The following GXYLT2 variants were observed in gnomAD, a reference collection of about 807,000 sequenced individuals.
GXYLT2 encodes the protein glucoside xylosyltransferase 2.
GXYLT2 carries 53 observed loss-of-function variants against 45.8 expected under a neutral mutation model. That is an observed-to-expected ratio of 1.16 (90% CI 0.93 to 1.46). The LOEUF is 1.46. GXYLT2 is among the 40% of genes most tolerant of loss of function. The probability of loss-of-function intolerance (pLI) is 0.00; values close to 1 mark genes in which losing one functional copy is unlikely to be tolerated. For missense variants in GXYLT2, 551 were observed against 544.4 expected, an observed-to-expected ratio of 1.01 and a Z score of -0.12; for synonymous variants, 219 against 214.2, an observed-to-expected ratio of 1.02 and a Z score of -0.19.
At chr3:72,955,415 C>G in intron 4 of GXYLT2, 66 bp downstream of exon 4, 2 of 1,525,168 alleles carry the variant, frequency 1.3e-6, no homozygotes, top group Non-Finnish European at 1.8e-6. Flanking sequence ...AGTGGCACTA[C>G]CAGAGTGTCA....
intron 5 of GXYLT2, among the ~76,000 whole-genome samples, chr3:72,962,794 T>C (rs1710792391): frequency 6.6e-6 from 1 of 151,014 alleles, no homozygotes; most frequent in African/African-American, 2.4e-5. Context: ...AAATGAGGGG[T>C]TGAGAGAGAG....
intron 2 of GXYLT2, among the ~76,000 whole-genome samples, chr3:72,909,843 A>G (rs1709585866): frequency 6.6e-6 from 1 of 152,206 alleles, no homozygotes; most frequent in Admixed American, 6.5e-5. Flanking sequence ...ACTTGAGTCA[A>G]CAGTGCTGTA....
rs151046423 is a variant in GXYLT2, at chr3:72,922,457, C to G, written c.600+122C>G. ...AACCTGTGTCTCTTGGATTCTGGAGCTGATGCTCTAAGTCTGCAGCATGTA... is the reference window on the plus strand; with the variant it reads ...AACCTGTGTCTCTTGGATTCTGGAGGTGATGCTCTAAGTCTGCAGCATGTA... On this transcript the variant is annotated intron_variant, in intron 3 of 6. Transcript: ENST00000389617. 3.4e-4 allele frequency: 324 copies of G among 953,710 alleles called. 1 individual carries two copies. In the African/African-American group the frequency reaches 4.9e-3, roughly 15 times the overall value. 59.1% of individuals were successfully genotyped at this position (953,710 alleles called of 1,614,324 possible). A position where few individuals can be genotyped will look rare whatever the true frequency, so the allele number is the denominator to read the frequency against.
chr3:72,965,589 A>G (rs1710851698), intron 5 of GXYLT2, among the ~76,000 whole-genome samples: 2 of 152,226 alleles, frequency 1.3e-5, no homozygotes, highest in Non-Finnish European at 2.9e-5. Context: ...TGCTAATTGT[A>G]TAATTCTGGT....
chr3:72,909,606 T>C lies in GXYLT2; in HGVS notation c.468+1047T>C, dbSNP rs182175872. Among the ~76,000 whole-genome samples, 30 of 152,296 alleles carry C rather than the reference T, an allele frequency of 2.0e-4. No homozygotes were observed. In the East Asian group the frequency reaches 5.4e-3, roughly 27 times the overall value. ...CTCATTCTTTTTGGTGACTACATAG[T>C]ATTTTATTATGGGGCTGGGTCCTCA... On this transcript the variant is annotated intron_variant, in intron 2 of 6. Coordinates refer to ENST00000389617, the MANE Select transcript of GXYLT2 (RefSeq NM_001080393.2).
chr3:72,897,069 C>T (rs1709306070), intron 1 of GXYLT2, among the ~76,000 whole-genome samples: 1 of 152,092 alleles, frequency 6.6e-6, no homozygotes, highest in South Asian at 2.1e-4. Flanking sequence ...AAATATGCCA[C>T]GTACCTTATT....
chr3:72,905,273 A>G (rs913123757), intron 1 of GXYLT2, among the ~76,000 whole-genome samples: 1 of 151,930 alleles, frequency 6.6e-6, no homozygotes, highest in Non-Finnish European at 1.5e-5. Flanking sequence ...ACACGCCACC[A>G]CAACCAGCTA....
chr3:72,889,907 G>GTTTTTTTTTTTTT (rs5850087), intron 1 of GXYLT2, among the ~76,000 whole-genome samples: 35 of 118,790 alleles, frequency 2.9e-4, no homozygotes, highest in African/African-American at 8.3e-4. Flanking sequence ...TTTTTTTTTT[G>GTTTTTTTTTTTTT]TTTTTTTTTT....
At chr3:72,957,384 A>G in intron 5 of GXYLT2, 32 bp downstream of exon 5, 2 of 1,567,994 alleles carry the variant, frequency 1.3e-6, no homozygotes, top group South Asian at 1.2e-5. Flanking sequence ...CCTTTTGTGT[A>G]GGAGTACACT....
chr3:72,909,323 C>A (rs1200865209), intron 2 of GXYLT2, among the ~76,000 whole-genome samples: 2 of 150,636 alleles, frequency 1.3e-5, no homozygotes, highest in African/African-American at 4.9e-5. Context: ...ACCTGCCTGT[C>A]CCTCCCAAAG....
chr3:72,937,755 C>A (rs1710219293), intron 3 of GXYLT2, among the ~76,000 whole-genome samples: 1 of 152,154 alleles, frequency 6.6e-6, no homozygotes. Context: ...ACCTTCCATT[C>A]TTTAACTGTT....
At chr3:72,954,804 CT>C (rs1052782938) in intron 3 of GXYLT2, among the ~76,000 whole-genome samples, 3 of 151,758 alleles carry the variant, frequency 2.0e-5, no homozygotes, top group Non-Finnish European at 4.4e-5. Context: ...CTGATGTTTT[CT>C]TTTTTTTGTA....
At chr3:72,940,011 G>C (rs1407855901) in intron 3 of GXYLT2, among the ~76,000 whole-genome samples, 1 of 152,022 alleles carries the variant, frequency 6.6e-6, no homozygotes, top group Non-Finnish European at 1.5e-5. Context: ...GCAAAGAAAT[G>C]GCCAGGCGCT....
chr3:72,952,761 G>A (rs1710551004), intron 3 of GXYLT2, among the ~76,000 whole-genome samples: 1 of 151,976 alleles, frequency 6.6e-6, no homozygotes, highest in African/African-American at 2.4e-5. Context: ...TAAGGGCACT[G>A]ATCCCATCTT....
intron 3 of GXYLT2, among the ~76,000 whole-genome samples, chr3:72,945,146 G>T (rs1710379510): frequency 6.6e-6 from 1 of 151,386 alleles, no homozygotes; most frequent in Non-Finnish European, 1.5e-5. Flanking sequence ...AAATCAGCCG[G>T]GTGTGGTGGC....
chr3:72,930,049 C>G (rs1432042218), intron 3 of GXYLT2, among the ~76,000 whole-genome samples: 1 of 151,262 alleles, frequency 6.6e-6, no homozygotes, highest in African/African-American at 2.4e-5. Context: ...ACCTGTAATC[C>G]CAGCTACTCG....
At chr3:72,952,439 G>C (rs530240424) in intron 3 of GXYLT2, among the ~76,000 whole-genome samples, 1 of 152,104 alleles carries the variant, frequency 6.6e-6, no homozygotes, top group African/African-American at 2.4e-5. Flanking sequence ...GTGGGCTTCA[G>C]AATTACTCAG....
At chr3:72,944,701 T>A (rs1024939530) in intron 3 of GXYLT2, among the ~76,000 whole-genome samples, 1 of 152,134 alleles carries the variant, frequency 6.6e-6, no homozygotes, top group Non-Finnish European at 1.5e-5. Flanking sequence ...ATCAGCAGGC[T>A]CATTTTCCAA....
intron 1 of GXYLT2, among the ~76,000 whole-genome samples, chr3:72,892,860 G>C (rs1044584983): frequency 6.6e-6 from 1 of 152,040 alleles, no homozygotes; most frequent in African/African-American, 2.4e-5. Context: ...CATTTTTGTT[G>C]ATTGGTCCAT....
Sources: gnomAD v4.1 joint callset for allele counts (sites outside exome capture counted in the v4.1 genomes callset) on GRCh38, gnomAD v4.1.1 for gene constraint, MANE v1.5 for transcripts, NCBI Gene and HGNC (gene_info 2026-07-23, HGNC 2026-07-21) for gene names.